The following PTCHD4 variants were observed in gnomAD, a reference collection of about 807,000 sequenced individuals.
PTCHD4 encodes the protein patched domain-containing protein 4.
PTCHD4 carries 33 observed loss-of-function variants against 58.1 expected under a neutral mutation model. That is an observed-to-expected ratio of 0.57 (90% CI 0.43 to 0.76). PTCHD4 has a LOEUF of 0.76. Ranked by LOEUF, PTCHD4 falls within the 30% of genes least tolerant of loss-of-function variation. The pLI is 0.00. For synonymous variants in PTCHD4, 478 were observed against 409.6 expected, an observed-to-expected ratio of 1.17 and a Z score of -2.02; for missense variants, 1,058 against 1,027.1, an observed-to-expected ratio of 1.03 and a Z score of -0.41.
intron 4 of PTCHD4, among the ~76,000 whole-genome samples, chr6:47,888,888 A>C: frequency 8.6e-6 from 1 of 116,632 alleles, no homozygotes; most frequent in South Asian, 3.5e-4. Flanking sequence ...ATTCCCACCT[A>C]TGAGTGAGAA....
intron 4 of PTCHD4, among the ~76,000 whole-genome samples, chr6:47,891,807 A>G (rs1031509168): frequency 6.6e-6 from 1 of 152,238 alleles, no homozygotes; most frequent in Non-Finnish European, 1.5e-5. Flanking sequence ...GTTCAATGAT[A>G]GTAGTATTCT....
chr6:47,884,993 C>T (rs536153365), intron 4 of PTCHD4, among the ~76,000 whole-genome samples: 3 of 152,184 alleles, frequency 2.0e-5, no homozygotes, highest in East Asian at 1.9e-4. Context: ...CTATAGCGAG[C>T]TGGTATACTA....
At chr6:48,105,703 C>G (rs1024025405) in intron 1 of PTCHD4, among the ~76,000 whole-genome samples, 7 of 151,858 alleles carry the variant, frequency 4.6e-5, no homozygotes, top group South Asian at 2.1e-4. Context: ...AGACCGCTAG[C>G]AAGACTAATA....
intron 4 of PTCHD4, among the ~76,000 whole-genome samples, chr6:47,936,084 C>T (rs1191956525): frequency 6.6e-6 from 1 of 152,114 alleles, no homozygotes; most frequent in African/African-American, 2.4e-5. Flanking sequence ...ATGACCTGGT[C>T]TGATTTACAT....
rs546838319 is a variant in PTCHD4, at chr6:47,935,460, G to T, written c.899-55524C>A. 2.0e-5 allele frequency among the ~76,000 whole-genome samples: 3 copies of T among 152,220 alleles called. No individual in the cohort carries two copies. The South Asian group carries it at 6.2e-4, about 32-fold the overall frequency. ...CCACCTGGCTCATCTTGCGCTTTCT[G>T]CCAGTTCTCCTTTACATCACCACTA... On this transcript the variant is annotated intron_variant, in intron 4 of 4. Coordinates refer to ENST00000339488, the MANE Select transcript of PTCHD4 (RefSeq NM_001384253.1).
chr6:47,903,878 G>A (rs111725465), intron 4 of PTCHD4, among the ~76,000 whole-genome samples: 5,152 of 152,276 alleles, frequency 0.034, 143 homozygotes, highest in Non-Finnish European at 0.045. Flanking sequence ...TTTTGATAGG[G>A]CAGCCAAGAA....
At chr6:47,912,468 C>T (rs1402993937) in intron 4 of PTCHD4, among the ~76,000 whole-genome samples, 1 of 152,078 alleles carries the variant, frequency 6.6e-6, no homozygotes, top group Non-Finnish European at 1.5e-5. Flanking sequence ...ACCATTGCGT[C>T]CCCCAACACT....
chr6:48,008,185 C>T (rs750350749), intron 4 of PTCHD4, among the ~76,000 whole-genome samples: 5 of 152,128 alleles, frequency 3.3e-5, no homozygotes, highest in Non-Finnish European at 7.4e-5. Flanking sequence ...ATAAACAAAG[C>T]TTACTTAAGA....
intron 4 of PTCHD4, among the ~76,000 whole-genome samples, chr6:47,934,540 G>T (rs1765936051): frequency 6.6e-6 from 1 of 152,056 alleles, no homozygotes. Context: ...ATATATATGT[G>T]TGACTTAGTT....
intron 4 of PTCHD4, among the ~76,000 whole-genome samples, chr6:47,945,174 C>T (rs1277548236): frequency 6.6e-6 from 1 of 152,014 alleles, no homozygotes; most frequent in African/African-American, 2.4e-5. Context: ...TGCTAATTCA[C>T]ACTGATAATG....
intron 4 of PTCHD4, among the ~76,000 whole-genome samples, chr6:47,936,046 G>A (rs1765988632): frequency 6.6e-6 from 1 of 152,100 alleles, no homozygotes. Context: ...GTGAGAGGGA[G>A]AGCTTGTGAA....
chr6:47,963,288 C>T (rs1767166341), intron 4 of PTCHD4, among the ~76,000 whole-genome samples: 1 of 151,962 alleles, frequency 6.6e-6, no homozygotes, highest in Non-Finnish European at 1.5e-5. Context: ...TGAGATATCA[C>T]CTCACATCTG....
At chr6:48,059,143 C>A (rs117166862) in intron 3 of PTCHD4, among the ~76,000 whole-genome samples, 1 of 152,050 alleles carries the variant, frequency 6.6e-6, no homozygotes, top group Admixed American at 6.5e-5. Flanking sequence ...GGATCATGTA[C>A]CAGCACCATC....
chr6:48,005,806 C>A (rs1762413767), intron 4 of PTCHD4, among the ~76,000 whole-genome samples: 1 of 152,118 alleles, frequency 6.6e-6, no homozygotes, highest in South Asian at 2.1e-4. Flanking sequence ...ATTTTGAAAT[C>A]TTCAAATTGT....
At chr6:47,995,314 T>TG (rs112167491) in intron 4 of PTCHD4, among the ~76,000 whole-genome samples, 20 of 152,130 alleles carry the variant, frequency 1.3e-4, no homozygotes, top group African/African-American at 4.6e-4. Context: ...CAGGGAGCAA[T>TG]GGGACAGCAT....
intron 4 of PTCHD4, among the ~76,000 whole-genome samples, chr6:47,999,208 C>T (rs1410220688): frequency 6.6e-6 from 1 of 152,084 alleles, no homozygotes; most frequent in East Asian, 1.9e-4. Flanking sequence ...ATGAAGGAGG[C>T]CCAGGGACAA....
Position 47,877,120 on chromosome 6 carries a change from T to C in PTCHD4, c.*1183A>G, listed in dbSNP as rs1416698138. 3.3e-5 allele frequency among the ~76,000 whole-genome samples: 5 copies of C among 152,062 alleles called. No individual in the cohort carries two copies. The highest frequency in any genetic ancestry group is 1.2e-4 in the African/African-American group (5 of 41,428). On this transcript the variant is annotated 3_prime_UTR_variant, in exon 5 of 5. Coordinates refer to ENST00000339488, the MANE Select transcript of PTCHD4 (RefSeq NM_001384253.1). ...TTATAGGATTAGAATAGTTTCCTTA[T>C]GCTAAGAACTAGTAGATGGCATGTG...
chr6:47,984,734 A>T (rs958038145), intron 4 of PTCHD4, among the ~76,000 whole-genome samples: 1 of 152,054 alleles, frequency 6.6e-6, no homozygotes, highest in African/African-American at 2.4e-5. Context: ...ATAAATATTA[A>T]TATTATAAAA....
rs1195252201 is a variant in PTCHD4, at chr6:48,029,821, G to T, written c.418-20707C>A. The stretch of plus-strand genomic sequence containing the variant: ...TACTTGAAAATGATGCATAAAATCA[G>T]ATATGACCACAGAGTTTTAAGAAAC... On this transcript the variant is annotated intron_variant, in intron 3 of 4. Coordinates refer to ENST00000339488, the MANE Select transcript of PTCHD4 (RefSeq NM_001384253.1). 2.6e-5 allele frequency among the ~76,000 whole-genome samples: 4 copies of T among 152,172 alleles called. No individual in the cohort carries two copies. In the East Asian group the frequency reaches 7.7e-4, roughly 29 times the overall value.
Sources: gnomAD v4.1 joint callset for allele counts (sites outside exome capture counted in the v4.1 genomes callset) on GRCh38, gnomAD v4.1.1 for gene constraint, MANE v1.5 for transcripts, NCBI Gene and HGNC (gene_info 2026-07-23, HGNC 2026-07-21) for gene names.